SHISA9: variants seen among roughly 807,000 people sequenced by gnomAD.
SHISA9 encodes the protein shisa family member 9.
In SHISA9, 13 loss-of-function variants were observed where a neutral mutation model predicts 38.0. The ratio of observed to expected loss-of-function variants is 0.34; its 90% confidence interval spans 0.22 to 0.54. SHISA9 has a LOEUF of 0.54. SHISA9 is among the 20% of genes least tolerant of loss of function. SHISA9 has a pLI of 0.91. For synonymous variants in SHISA9, 275 were observed against 242.0 expected, an observed-to-expected ratio of 1.14 and a Z score of -1.27; for missense variants, 538 against 575.8, an observed-to-expected ratio of 0.93 and a Z score of 0.67.
At chr16:13,400,026 T>C in the SHISA9 span, among the ~76,000 whole-genome samples, 1 of 152,212 alleles carries the variant, frequency 6.6e-6, no homozygotes, top group African/African-American at 2.4e-5. Context: ...TGCCTATCCA[T>C]CTCAGAACTC....
intron 4 of SHISA9, among the ~76,000 whole-genome samples, chr16:13,223,047 G>A (rs1014692061): frequency 2.0e-5 from 3 of 152,102 alleles, no homozygotes; most frequent in African/African-American, 7.2e-5. Flanking sequence ...TTTTATAGGT[G>A]AAGCTTAGAG....
chr16:13,460,411 C>T, the SHISA9 span, among the ~76,000 whole-genome samples: 8 of 152,190 alleles, frequency 5.3e-5, no homozygotes, highest in Non-Finnish European at 7.3e-5. Context: ...CCCCCCCGAT[C>T]CATCATATTA....
At chr16:13,226,138 G>A (rs1329887151) in intron 4 of SHISA9, among the ~76,000 whole-genome samples, 2 of 152,192 alleles carry the variant, frequency 1.3e-5, no homozygotes, top group Non-Finnish European at 2.9e-5. Context: ...ACTGCACAAA[G>A]CCAAGAGTGG....
the SHISA9 span, among the ~76,000 whole-genome samples, chr16:13,299,992 C>T: frequency 6.6e-6 from 1 of 152,080 alleles, no homozygotes; most frequent in African/African-American, 2.4e-5. Flanking sequence ...CTCAAAGGGA[C>T]CTTGCCTTCC....
chr16:13,429,865 T>G, the SHISA9 span, among the ~76,000 whole-genome samples: 1 of 152,236 alleles, frequency 6.6e-6, no homozygotes, highest in Non-Finnish European at 1.5e-5. Flanking sequence ...GTCCTTGTTA[T>G]GAGCTAAATT....
chr16:13,460,076 A>G, the SHISA9 span, among the ~76,000 whole-genome samples: 1 of 152,166 alleles, frequency 6.6e-6, no homozygotes, highest in Non-Finnish European at 1.5e-5. Flanking sequence ...CGCAGCCTAT[A>G]TGGTTATTAG....
At chr16:13,416,868 G>A in the SHISA9 span, among the ~76,000 whole-genome samples, 1 of 150,278 alleles carries the variant, frequency 6.7e-6, no homozygotes, top group Non-Finnish European at 1.5e-5. Flanking sequence ...AGGGAGGGAG[G>A]GAAATGAAGG....
chr16:13,074,298 G>A (rs2073555216), intron 2 of SHISA9, among the ~76,000 whole-genome samples: 1 of 151,920 alleles, frequency 6.6e-6, no homozygotes, highest in African/African-American at 2.4e-5. Flanking sequence ...CACACAGTTT[G>A]TAGAAATTTG....
chr16:13,376,247 G>C, the SHISA9 span, among the ~76,000 whole-genome samples: 1 of 152,216 alleles, frequency 6.6e-6, no homozygotes, highest in Non-Finnish European at 1.5e-5. Flanking sequence ...TCCTCCCTTA[G>C]GGAGTGGCAG....
chr16:13,156,540 T>G (rs951049891), intron 2 of SHISA9, among the ~76,000 whole-genome samples: 3 of 151,890 alleles, frequency 2.0e-5, no homozygotes, highest in Non-Finnish European at 4.4e-5. Context: ...CGAGACCATC[T>G]TGGCTAACAT....
chr16:13,516,051 A>G, the SHISA9 span, among the ~76,000 whole-genome samples: 1 of 152,170 alleles, frequency 6.6e-6, no homozygotes. Context: ...TTACCTTCCA[A>G]TTGCATGGTA....
At chr16:12,996,872 A>G (rs541212817) in intron 2 of SHISA9, among the ~76,000 whole-genome samples, 1 of 152,186 alleles carries the variant, frequency 6.6e-6, no homozygotes, top group Non-Finnish European at 1.5e-5. Context: ...GGATGCCAAA[A>G]TTAGCTTTAT....
the SHISA9 span, among the ~76,000 whole-genome samples, chr16:13,551,051 G>T: frequency 4.3e-4 from 65 of 151,874 alleles, no homozygotes; most frequent in African/African-American, 1.4e-3. Flanking sequence ...TTGAACCTGG[G>T]AGGCGGAGGT....
At chr16:13,248,936 A>C in the SHISA9 span, among the ~76,000 whole-genome samples, 4 of 152,170 alleles carry the variant, frequency 2.6e-5, no homozygotes, top group Admixed American at 2.6e-4. Flanking sequence ...CATCAACCCC[A>C]AGCAAGGGAG....
the SHISA9 span, among the ~76,000 whole-genome samples, chr16:13,554,585 A>C: frequency 2.0e-5 from 3 of 146,946 alleles, no homozygotes; most frequent in Non-Finnish European, 3.0e-5. Context: ...TCCGCTTCCC[A>C]GGTTCAAGCA....
the SHISA9 span, among the ~76,000 whole-genome samples, chr16:13,263,990 T>C: frequency 1.3e-5 from 2 of 152,142 alleles, no homozygotes; most frequent in East Asian, 1.9e-4. Flanking sequence ...CTTTCCTTTA[T>C]TTATTAAAGT....
intron 2 of SHISA9, among the ~76,000 whole-genome samples, chr16:13,079,333 G>A (rs1243564104): frequency 6.6e-6 from 1 of 152,178 alleles, no homozygotes; most frequent in Admixed American, 6.5e-5. Flanking sequence ...TTCTTATGAG[G>A]AAGGATTCAG....
At chr16:13,351,019 G>T in the SHISA9 span, among the ~76,000 whole-genome samples, 1 of 152,114 alleles carries the variant, frequency 6.6e-6, no homozygotes, top group Non-Finnish European at 1.5e-5. Context: ...CATCTATTGG[G>T]CACTGATGTG....
chr16:13,007,323 G>A (rs758548924), intron 2 of SHISA9, among the ~76,000 whole-genome samples: 7 of 152,210 alleles, frequency 4.6e-5, no homozygotes, highest in African/African-American at 1.2e-4. Flanking sequence ...GGAACTCACC[G>A]TAGGCTGCTC....
Sources: gnomAD v4.1 joint callset for allele counts (sites outside exome capture counted in the v4.1 genomes callset) on GRCh38, gnomAD v4.1.1 for gene constraint, MANE v1.5 for transcripts, NCBI Gene and HGNC (gene_info 2026-07-23, HGNC 2026-07-21) for gene names.